The following ITGA11 variants were observed in gnomAD, a reference collection of about 807,000 sequenced individuals.
ITGA11 encodes integrin alpha-11.
In ITGA11, 97 loss-of-function variants were observed where a neutral mutation model predicts 141.9. The ratio of observed to expected loss-of-function variants is 0.68; its 90% CI spans 0.58 to 0.81. The LOEUF (loss-of-function observed/expected upper bound fraction) is 0.81. Ranked by LOEUF, ITGA11 falls within the 30% of genes least tolerant of loss-of-function variation. ITGA11 has a pLI of 0.00. For missense variants in ITGA11, 1,387 were observed against 1,559.2 expected, an observed-to-expected ratio of 0.89 and a Z score of 1.86; for synonymous variants, 658 against 624.6, an observed-to-expected ratio of 1.05 and a Z score of -0.80.
Position 68,368,442 on chromosome 15 carries a change from T to G in ITGA11, c.265+742A>C, listed in dbSNP as rs116359965. Among the ~76,000 whole-genome samples, 1,268 of 152,338 alleles carry G rather than the reference T, an allele frequency of 8.3e-3. 24 individuals carry two copies. Among genetic ancestry groups the G allele is most frequent in the African/African-American group, 0.029 (1,226 of 41,570 alleles). Reference sequence around the variant, plus strand: ...GTGTGTGTGCTTAGTGGATACACATTTGCACACACATAAGCAGATACACAC... The same window carrying G: ...GTGTGTGTGCTTAGTGGATACACATGTGCACACACATAAGCAGATACACAC... On this transcript the variant is annotated intron_variant, in intron 3 of 29. Transcript: ENST00000315757.
chr15:68,427,755 T>G (rs1897178947), intron 1 of ITGA11, among the ~76,000 whole-genome samples: 1 of 152,192 alleles, frequency 6.6e-6, no homozygotes. Flanking sequence ...AGTTAGGATC[T>G]GCATGATGGG....
chr15:68,430,750 C>G (rs1175247161), intron 1 of ITGA11, among the ~76,000 whole-genome samples: 2 of 152,322 alleles, frequency 1.3e-5, no homozygotes, highest in South Asian at 2.1e-4. Context: ...TTCCAAGCCC[C>G]CACAACTCAA....
Position 68,325,201 on chromosome 15 carries a change from T to G in ITGA11, c.2252A>C (p.Glu751Ala). ...DYVKPVTFSV[E>A]YSLEDPDHGP... ...ATGGTCAGGGTCCTCCAGGGAATAC[T>G]CGACTGAGAAGGTCACTGGCTTCAC... The change falls in exon 18 of 30, where the codon GAG becomes GCG. Residue 751 changes from glutamate (E) to alanine (A), a missense_variant. Transcript: ENST00000315757. This position sits in a 1 kb window ranked among gnomAD's most constrained non-coding sequence, Gnocchi z 5.5. 1 of 1,613,926 alleles carries G rather than the reference T, an allele frequency of 6.2e-7. No individual in the cohort carries two copies. The highest frequency in any genetic ancestry group is 8.5e-7 in the Non-Finnish European group (1 of 1,179,858).
intron 2 of ITGA11, among the ~76,000 whole-genome samples, chr15:68,374,547 G>A (rs1367089291): frequency 6.6e-6 from 1 of 152,238 alleles, no homozygotes. Flanking sequence ...AAGCCATGGA[G>A]GGCAGAAAGC....
intron 1 of ITGA11, 40 bp from the exon 2 acceptor site, chr15:68,403,069 G>T: frequency 7.2e-7 from 1 of 1,380,536 alleles, no homozygotes; most frequent in South Asian, 1.2e-5. Context: ...AGGGGAGTCA[G>T]ACAGGCAGAG....
At position 68,358,633 on chromosome 15, in the gene ITGA11, G is replaced by A. The variant is rs199902389; in HGVS notation, c.473-48C>T. On this transcript the variant is annotated intron_variant, in intron 5 of 29. Coordinates refer to ENST00000315757, the MANE Select transcript of ITGA11 (RefSeq NM_001004439.2). ...TGGCTACCCAAGGAGCAGTGTCTGC[G>A]AGTCTCTGATTCTCTGGACAATTGT... 19 of 1,568,246 alleles carry A rather than the reference G, an allele frequency of 1.2e-5. No homozygotes were observed. In the East Asian group the frequency reaches 1.6e-4, roughly 13 times the overall value.
chr15:68,366,744 T>C (rs1895434121), intron 3 of ITGA11, among the ~76,000 whole-genome samples: 1 of 152,002 alleles, frequency 6.6e-6, no homozygotes, highest in South Asian at 2.1e-4. Context: ...TGGGTGAGGG[T>C]CCCGGGCCCA....
chr15:68,376,074 C>T (rs1895719776), intron 2 of ITGA11, among the ~76,000 whole-genome samples: 1 of 152,150 alleles, frequency 6.6e-6, no homozygotes. Flanking sequence ...GACACTGATG[C>T]ATGCTTAAGT....
intron 2 of ITGA11, 112 bp downstream of exon 2, chr15:68,402,806 C>T (rs1346073491): frequency 2.4e-5 from 16 of 676,526 alleles, no homozygotes; most frequent in South Asian, 1.3e-4. Context: ...TCACTGGAAA[C>T]GTCAGTCTCC....
intron 22 of ITGA11, among the ~76,000 whole-genome samples, chr15:68,314,865 T>C (rs1240048439): frequency 6.6e-6 from 1 of 152,142 alleles, no homozygotes; most frequent in Non-Finnish European, 1.5e-5. Flanking sequence ...TGCTGGAATG[T>C]TAGTGTTCGG....
chr15:68,391,606 AGTGATAT>A (rs1382201921), intron 2 of ITGA11, among the ~76,000 whole-genome samples: 2 of 152,240 alleles, frequency 1.3e-5, no homozygotes, highest in Non-Finnish European at 2.9e-5. Flanking sequence ...AAAAGTGGGA[AGTGATAT>A]GTGTTATCAC....
chr15:68,329,223 G>A (rs1430436921), intron 15 of ITGA11, among the ~76,000 whole-genome samples: 1 of 152,200 alleles, frequency 6.6e-6, no homozygotes, highest in Non-Finnish European at 1.5e-5. Flanking sequence ...CAGAGGAGGT[G>A]AGAATGTCCT....
intron 4 of ITGA11, among the ~76,000 whole-genome samples, chr15:68,364,493 CA>C (rs1895351154): frequency 1.3e-5 from 2 of 152,206 alleles, no homozygotes; most frequent in Non-Finnish European, 2.9e-5. Context: ...CTGTCCCTGC[CA>C]AAACACCCAG....
chr15:68,344,181 C>T (rs1430425648), intron 10 of ITGA11, among the ~76,000 whole-genome samples: 1 of 152,062 alleles, frequency 6.6e-6, no homozygotes, highest in East Asian at 1.9e-4. Context: ...ACCAGCGTGG[C>T]AGAGGACCTC....
intron 2 of ITGA11, among the ~76,000 whole-genome samples, chr15:68,386,534 G>C (rs928793240): frequency 1.3e-5 from 2 of 152,160 alleles, no homozygotes; most frequent in African/African-American, 4.8e-5. Flanking sequence ...CCATGGCTGA[G>C]GGCGATGAGA....
chr15:68,351,132 G>A (rs1894897893), intron 8 of ITGA11, 126 bp downstream of exon 8: 1 of 988,346 alleles, frequency 1.0e-6, no homozygotes, highest in South Asian at 1.7e-5. Flanking sequence ...AAGATGAAAT[G>A]GGAGGCTTTT....
At position 68,299,921 on chromosome 15, in the gene ITGA11, A is replaced by G. The variant is rs1325607808; in HGVS notation, c.*3138T>C. On this transcript the variant is annotated 3_prime_UTR_variant, in exon 30 of 30. Coordinates refer to ENST00000315757, the MANE Select transcript of ITGA11 (RefSeq NM_001004439.2). ...TTTCCACCTAGATACCTGTCATGTC[A>G]AGAAACCATCACCTTCCTTAACAAA... 6.6e-6 allele frequency: 1 copy of G among 152,174 alleles called. No homozygotes were observed. Among genetic ancestry groups the G allele is most frequent in the African/African-American group, 2.4e-5 (1 of 41,420 alleles). The allele number at this position is 152,174 out of a possible 1,614,324, so 9.4% of individuals were successfully genotyped here.
At chr15:68,346,022 G>A (rs1030778966) in intron 10 of ITGA11, among the ~76,000 whole-genome samples, 1 of 152,142 alleles carries the variant, frequency 6.6e-6, no homozygotes, top group South Asian at 2.1e-4. Context: ...AAATGCGATC[G>A]TTGTCTCTCT....
intron 4 of ITGA11, among the ~76,000 whole-genome samples, chr15:68,362,428 T>C (rs541085490): frequency 3.9e-5 from 6 of 152,366 alleles, no homozygotes; most frequent in African/African-American, 1.4e-4. Context: ...ACTTTCTTTT[T>C]AAGCTCAGAT....
Sources: gnomAD v4.1 joint callset for allele counts (sites outside exome capture counted in the v4.1 genomes callset) on GRCh38, gnomAD v4.1.1 for gene constraint, Gnocchi (gnomAD v3.1) non-coding constraint, MANE v1.5 for transcripts, NCBI Gene and HGNC (gene_info 2026-07-23, HGNC 2026-07-21) for gene names.